BMPR2: variants seen among roughly 807,000 people sequenced by gnomAD.
BMPR2 encodes bone morphogenetic protein receptor type-2.
BMPR2 carries 29 observed loss-of-function variants against 100.8 expected under a neutral mutation model. That is an observed-to-expected ratio of 0.29 (90% CI 0.21 to 0.39). BMPR2 has a LOEUF of 0.39. Among genes scored for constraint, BMPR2 ranks in the 10% least tolerant of loss-of-function variants. The probability of loss-of-function intolerance (pLI) is 1.00; values close to 1 mark genes in which losing one functional copy is unlikely to be tolerated. For missense variants in BMPR2, 1,011 were observed against 1,274.5 expected, an observed-to-expected ratio of 0.79 and a Z score of 3.15; for synonymous variants, 382 against 442.3, an observed-to-expected ratio of 0.86 and a Z score of 1.71.
intron 5 of BMPR2, among the ~76,000 whole-genome samples, chr2:202,517,552 G>C (rs1336344045): frequency 6.6e-6 from 1 of 151,686 alleles, no homozygotes; most frequent in East Asian, 1.9e-4. Context: ...GGGTTTTACT[G>C]TGTTGGCCAG....
At chr2:202,391,323 A>T (rs1182757538) in intron 1 of BMPR2, among the ~76,000 whole-genome samples, 1 of 151,558 alleles carries the variant, frequency 6.6e-6, no homozygotes, top group East Asian at 1.9e-4. Context: ...TTTTTCAATA[A>T]AATAGGGCCT....
In BMPR2 at chr2:202,560,834, T is replaced by G. The variant is rs1219208307; in HGVS notation, c.*888T>G. 1.3e-5 allele frequency: 2 copies of G among 152,422 alleles called. No homozygotes were observed. Among genetic ancestry groups the G allele is most frequent in the Admixed American group, 6.5e-5 (1 of 15,280 alleles). 9.4% of individuals were successfully genotyped at this position (152,422 alleles called of 1,614,324 possible). ...TACAGGACATCAAATATTAGCCATT[T>G]CCCATTTTATTTTATTTTTCTATGT... On this transcript the variant is annotated 3_prime_UTR_variant, in exon 13 of 13. Transcript: ENST00000374580.
At chr2:202,470,500 G>T (rs940516020) in intron 3 of BMPR2, among the ~76,000 whole-genome samples, 1 of 151,430 alleles carries the variant, frequency 6.6e-6, no homozygotes, top group East Asian at 2.0e-4. Flanking sequence ...GGTGGCTCAC[G>T]CCTGTAATCC....
At chr2:202,524,085 G>C (rs934887592) in intron 7 of BMPR2, among the ~76,000 whole-genome samples, 2 of 152,024 alleles carry the variant, frequency 1.3e-5, no homozygotes, top group African/African-American at 2.4e-5. Flanking sequence ...TGTTGGGGCC[G>C]GACGCGGTGG....
chr2:202,535,909 C>G (rs1222247632), intron 9 of BMPR2, among the ~76,000 whole-genome samples: 1 of 152,204 alleles, frequency 6.6e-6, no homozygotes, highest in African/African-American at 2.4e-5. Flanking sequence ...ACAGCGAAAC[C>G]CCGTCTCCAC....
intron 3 of BMPR2, among the ~76,000 whole-genome samples, chr2:202,507,508 G>A (rs896095379): frequency 5.3e-5 from 8 of 152,212 alleles, no homozygotes; most frequent in African/African-American, 1.7e-4. Flanking sequence ...TCCTGCCTCA[G>A]CCTCCCAAGT....
intron 5 of BMPR2, among the ~76,000 whole-genome samples, chr2:202,515,182 C>T (rs927891560): frequency 6.6e-6 from 1 of 152,008 alleles, no homozygotes; most frequent in African/African-American, 2.4e-5. Flanking sequence ...GGGGAGTCTA[C>T]AGACAGGTAC....
chr2:202,409,586 G>A (rs112494483), intron 1 of BMPR2, among the ~76,000 whole-genome samples: 5 of 152,004 alleles, frequency 3.3e-5, no homozygotes, highest in African/African-American at 1.2e-4. Context: ...AAAAATGACA[G>A]ACATATGATC....
rs184723247 is a variant in BMPR2, at chr2:202,560,324, T to G, written c.*378T>G. 2.2e-4 allele frequency: 52 copies of G among 238,610 alleles called. No individual in the cohort carries two copies. Among genetic ancestry groups the G allele is most frequent in the Admixed American group, 6.8e-4 (13 of 19,252 alleles). 14.8% of individuals were successfully genotyped at this position (238,610 alleles called of 1,614,324 possible). On this transcript the variant is annotated 3_prime_UTR_variant, in exon 13 of 13. Coordinates refer to ENST00000374580, the MANE Select transcript of BMPR2 (RefSeq NM_001204.7). ...TAAGGTCATTAAAACAGAAGCAAATTAAGACAGGTTTGACTGCAGTGGTGT... is the reference window on the plus strand; with the variant it reads ...TAAGGTCATTAAAACAGAAGCAAATGAAGACAGGTTTGACTGCAGTGGTGT...
At chr2:202,536,870 C>CA (rs34999694) in intron 9 of BMPR2, among the ~76,000 whole-genome samples, 1,171 of 84,070 alleles carry the variant, frequency 0.014, 14 homozygotes, top group East Asian at 0.015. Flanking sequence ...AACTCGGTCT[C>CA]AAAAAAAAAA....
At position 202,503,127 on chromosome 2, in the gene BMPR2, A is replaced by G. The variant is rs1687435486; in HGVS notation, c.419-10592A>G. Among the ~76,000 whole-genome samples the G allele has an allele frequency of 6.6e-6, 1 of 152,168 alleles. No homozygotes were observed. The highest frequency in any genetic ancestry group is 2.4e-5 in the African/African-American group (1 of 41,454). ...ACTGCAGAGCCCCTTCTTTGCCCCT[A>G]TCCAGCAGGAAATAGCTAGAGCGGT... is the stretch of plus-strand genomic sequence containing the variant. On this transcript the variant is annotated intron_variant, in intron 3 of 12. Transcript: ENST00000374580. The surrounding 1 kb of genome is among the most constrained non-coding windows in gnomAD (Gnocchi z 4.0).
At chr2:202,412,271 A>G (rs1274871990) in intron 1 of BMPR2, among the ~76,000 whole-genome samples, 1 of 152,176 alleles carries the variant, frequency 6.6e-6, no homozygotes, top group Non-Finnish European at 1.5e-5. Context: ...CAAACAAAGA[A>G]ACAAAACGAA....
intron 3 of BMPR2, among the ~76,000 whole-genome samples, chr2:202,489,283 G>A (rs532944734): frequency 4.6e-5 from 7 of 152,136 alleles, no homozygotes; most frequent in Non-Finnish European, 7.3e-5. Flanking sequence ...GATTACAGGC[G>A]TGAGCCACCA....
Position 202,561,553 on chromosome 2 carries a change from C to T in BMPR2, c.*1607C>T, listed in dbSNP as rs918688590. On this transcript the variant is annotated 3_prime_UTR_variant, in exon 13 of 13. Coordinates refer to ENST00000374580, the MANE Select transcript of BMPR2 (RefSeq NM_001204.7). ...AAACTGATGATTTCACTTTTTTTTA[C>T]TTTTTTTTCGATTATCAGAGTACTT... The T allele has an allele frequency of 6.6e-6, 1 of 151,262 alleles. No homozygotes were observed. The allele number at this position is 151,262 out of a possible 1,614,324, so 9.4% of individuals were successfully genotyped here.
At chr2:202,487,098 C>T (rs1692794121) in intron 3 of BMPR2, among the ~76,000 whole-genome samples, 1 of 152,128 alleles carries the variant, frequency 6.6e-6, no homozygotes, top group Admixed American at 6.5e-5. Flanking sequence ...AGCTTTTTAT[C>T]CGCATGATAG....
chr2:202,409,309 T>A (rs1016535442), intron 1 of BMPR2, among the ~76,000 whole-genome samples: 1 of 152,214 alleles, frequency 6.6e-6, no homozygotes, highest in Non-Finnish European at 1.5e-5. Context: ...ATCGCGCCAC[T>A]TCATTCCAGC....
intron 1 of BMPR2, among the ~76,000 whole-genome samples, chr2:202,377,999 T>C (rs1559287111): frequency 6.6e-6 from 1 of 152,244 alleles, no homozygotes. Context: ...TTGAACCTTA[T>C]TTTGAAATTT....
intron 1 of BMPR2, among the ~76,000 whole-genome samples, chr2:202,423,688 A>T (rs1458556218): frequency 6.6e-6 from 1 of 152,168 alleles, no homozygotes; most frequent in Non-Finnish European, 1.5e-5. Context: ...CAGGAATTCG[A>T]GTCTGCAGTG....
chr2:202,407,834 T>C (rs1209003001), intron 1 of BMPR2, among the ~76,000 whole-genome samples: 3 of 151,952 alleles, frequency 2.0e-5, no homozygotes, highest in African/African-American at 7.2e-5. Flanking sequence ...TTTTTCTTTT[T>C]CTTTTCTTTT....
Sources: gnomAD v4.1 joint callset for allele counts (sites outside exome capture counted in the v4.1 genomes callset) on GRCh38, gnomAD v4.1.1 for gene constraint, Gnocchi (gnomAD v3.1) non-coding constraint, MANE v1.5 for transcripts, NCBI Gene and HGNC (gene_info 2026-07-23, HGNC 2026-07-21) for gene names.